CNTNAP2: variants seen among roughly 807,000 people sequenced by gnomAD.
The protein encoded by CNTNAP2 is contactin associated protein 2.
A neutral mutation model predicts 155.2 loss-of-function variants in CNTNAP2; 98 were observed. The observed-to-expected ratio is 0.63, with a 90% CI of 0.54 to 0.75. The LOEUF (loss-of-function observed/expected upper bound fraction) is 0.75. CNTNAP2 is among the 30% of genes least tolerant of loss of function. CNTNAP2 has a pLI of 0.00. For synonymous variants in CNTNAP2, 651 were observed against 631.2 expected (o/e 1.03, Z -0.47); for missense variants, 1,727 against 1,688.1 (o/e 1.02, Z -0.40).
chr7:146,265,992 C>G (rs183228176), intron 1 of CNTNAP2, among the ~76,000 whole-genome samples: 7 of 151,962 alleles, frequency 4.6e-5, no homozygotes, highest in Admixed American at 4.6e-4. Flanking sequence ...CCTCTCCCAG[C>G]CTCGCTTGCA....
At chr7:147,501,540 T>A (rs1275522920) in intron 11 of CNTNAP2, among the ~76,000 whole-genome samples, 1 of 152,216 alleles carries the variant, frequency 6.6e-6, no homozygotes, top group Non-Finnish European at 1.5e-5. Context: ...GTGAAGCCAA[T>A]GCAATTTGGT....
rs11767652 is a variant in CNTNAP2, at chr7:147,775,284, A to T, written c.2099-128281A>T. 2.7e-4 allele frequency among the ~76,000 whole-genome samples: 22 copies of T among 81,016 alleles called. 1 individual carries two copies. Among genetic ancestry groups the T allele is most frequent in the South Asian group, 6.0e-4 (2 of 3,308 alleles). 53.1% of individuals were successfully genotyped at this position (81,016 alleles called of 152,430 possible). On this transcript the variant is annotated intron_variant, in intron 13 of 23. Transcript: ENST00000361727. ...AAATATATTTATATATATATTTATA[A>T]ATATATATATTTATATATATTTATA...
intron 1 of CNTNAP2, among the ~76,000 whole-genome samples, chr7:146,581,537 G>A (rs898564119): frequency 6.6e-6 from 1 of 151,766 alleles, no homozygotes; most frequent in Admixed American, 6.6e-5. Flanking sequence ...AGAAAAAGGA[G>A]AAAATTTAGG....
intron 2 of CNTNAP2, among the ~76,000 whole-genome samples, chr7:146,803,119 T>C (rs1802909406): frequency 6.6e-6 from 1 of 152,152 alleles, no homozygotes; most frequent in Non-Finnish European, 1.5e-5. Flanking sequence ...AAAATATGTA[T>C]TGTTAGACTT....
intron 3 of CNTNAP2, among the ~76,000 whole-genome samples, chr7:146,871,268 C>T (rs1013868649): frequency 9.9e-5 from 15 of 152,074 alleles, no homozygotes; most frequent in African/African-American, 3.6e-4. Context: ...TGGTGGCTCA[C>T]GCCTGTAATC....
At chr7:147,848,812 A>G (rs896913927) in intron 13 of CNTNAP2, among the ~76,000 whole-genome samples, 5 of 152,208 alleles carry the variant, frequency 3.3e-5, no homozygotes, top group African/African-American at 9.6e-5. Context: ...AATTCATAGA[A>G]TAGAATTTAT....
intron 1 of CNTNAP2, among the ~76,000 whole-genome samples, chr7:146,603,064 A>G (rs1041842899): frequency 1.3e-5 from 2 of 151,596 alleles, no homozygotes; most frequent in Non-Finnish European, 2.9e-5. Context: ...CTGCACTTAC[A>G]GAAATGTACA....
rs981203878 is a variant in CNTNAP2, at chr7:147,125,770, C to T, written c.940-2923C>T. Among the ~76,000 whole-genome samples the T allele has an allele frequency of 3.3e-5, 5 of 152,048 alleles. No homozygotes were observed. In the East Asian group the frequency reaches 9.6e-4, roughly 29 times the overall value. ...TCCCCTTTGATGAAATGAATCTAAT[C>T]GCATTCTTTCCATAGGGTTTATGAG... is the stretch of plus-strand genomic sequence containing the variant. On this transcript the variant is annotated intron_variant, in intron 6 of 23. Coordinates refer to ENST00000361727, the MANE Select transcript of CNTNAP2 (RefSeq NM_014141.6).
chr7:146,639,210 T>A (rs1799663435), intron 1 of CNTNAP2, among the ~76,000 whole-genome samples: 1 of 152,180 alleles, frequency 6.6e-6, no homozygotes, highest in African/African-American at 2.4e-5. Context: ...ACATACCAAT[T>A]TATTTTGTAT....
At chr7:148,043,315 GT>G (rs1802711943) in intron 15 of CNTNAP2, among the ~76,000 whole-genome samples, 1 of 152,150 alleles carries the variant, frequency 6.6e-6, no homozygotes, top group African/African-American at 2.4e-5. Flanking sequence ...TGTGATCAAG[GT>G]GTGTAACAAA....
intron 13 of CNTNAP2, among the ~76,000 whole-genome samples, chr7:147,772,289 C>T (rs1006846174): frequency 2.3e-4 from 34 of 150,510 alleles, no homozygotes; most frequent in African/African-American, 6.1e-4. Context: ...CCTGGCATGG[C>T]GCCTGTAATC....
intron 12 of CNTNAP2, among the ~76,000 whole-genome samples, chr7:147,610,923 G>A (rs1801172451): frequency 6.6e-6 from 1 of 151,794 alleles, no homozygotes. Flanking sequence ...TATTTTTGGT[G>A]GAGACAGAGT....
At chr7:147,872,838 A>T (rs370103602) in intron 13 of CNTNAP2, among the ~76,000 whole-genome samples, 68 of 152,330 alleles carry the variant, frequency 4.5e-4, no homozygotes, top group Middle Eastern at 3.4e-3. Context: ...AATGCCAAAC[A>T]AGAGGAAAAA....
chr7:148,131,970 A>G (rs953773880), intron 16 of CNTNAP2, among the ~76,000 whole-genome samples: 21 of 152,230 alleles, frequency 1.4e-4, no homozygotes, highest in African/African-American at 4.6e-4. Context: ...GCCAAAGACA[A>G]CTATAAGTAA....
chr7:147,483,826 C>T (rs945485114), intron 10 of CNTNAP2, among the ~76,000 whole-genome samples: 10 of 152,304 alleles, frequency 6.6e-5, no homozygotes, highest in South Asian at 6.2e-4. Context: ...TGTGTTCCCA[C>T]GCCTCAGGGC....
chr7:147,613,545 A>G (rs139354718), intron 12 of CNTNAP2, among the ~76,000 whole-genome samples: 17 of 152,212 alleles, frequency 1.1e-4, no homozygotes, highest in African/African-American at 3.9e-4. Flanking sequence ...TCTTTAAGAA[A>G]TAATAGAAAA....
chr7:147,300,075 A>G, intron 8 of CNTNAP2, 66 bp from the exon 9 acceptor site: 2 of 1,535,548 alleles, frequency 1.3e-6, no homozygotes, highest in Non-Finnish European at 1.8e-6. Flanking sequence ...TGATTTGTTG[A>G]TTTTGGAAAT....
chr7:147,012,595 A>G (rs768181579), intron 3 of CNTNAP2, among the ~76,000 whole-genome samples: 23 of 152,164 alleles, frequency 1.5e-4, no homozygotes, highest in Admixed American at 2.6e-4. Context: ...TTAATTTTAG[A>G]GAGTTTTAAT....
At chr7:146,587,038 T>C (rs1057498586) in intron 1 of CNTNAP2, among the ~76,000 whole-genome samples, 1 of 152,110 alleles carries the variant, frequency 6.6e-6, no homozygotes, top group Admixed American at 6.5e-5. Flanking sequence ...GTTTTATTTT[T>C]TTTTTTTTAA....
Sources: gnomAD v4.1 joint callset for allele counts (sites outside exome capture counted in the v4.1 genomes callset) on GRCh38, gnomAD v4.1.1 for gene constraint, MANE v1.5 for transcripts, NCBI Gene and HGNC (gene_info 2026-07-23, HGNC 2026-07-21) for gene names.